SPIDR: variants seen among roughly 807,000 people sequenced by gnomAD.
The protein encoded by SPIDR is DNA repair-scaffolding protein.
A neutral mutation model predicts 104.6 loss-of-function variants in SPIDR; 93 were observed. The observed-to-expected ratio is 0.89, with a 90% CI of 0.75 to 1.06. The LOEUF (loss-of-function observed/expected upper bound fraction) is 1.06. Ranked by LOEUF, SPIDR falls within the 50% of genes least tolerant of loss-of-function variation. The probability of loss-of-function intolerance (pLI) is 0.00; values close to 1 mark genes in which losing one functional copy is unlikely to be tolerated. For missense variants in SPIDR, 1,154 were observed against 1,111.2 expected, an observed-to-expected ratio of 1.04 and a Z score of -0.55; for synonymous variants, 431 against 416.9, an observed-to-expected ratio of 1.03 and a Z score of -0.41.
chr8:47,320,560 C>G (rs142364188), intron 5 of SPIDR, among the ~76,000 whole-genome samples: 6,371 of 152,216 alleles, frequency 0.042, 410 homozygotes, highest in African/African-American at 0.14. Flanking sequence ...CTATTCCAAT[C>G]AATAGAAAAA....
chr8:47,685,358 G>A (rs190128964), intron 11 of SPIDR, among the ~76,000 whole-genome samples: 29 of 151,786 alleles, frequency 1.9e-4, no homozygotes, highest in Admixed American at 1.4e-3. Context: ...AAATGGGCAG[G>A]GTTTTGTTTT....
chr8:47,735,231 C>T, intron 19 of SPIDR, 76 bp from the exon 20 acceptor site: 2 of 1,453,982 alleles, frequency 1.4e-6, no homozygotes, highest in South Asian at 1.2e-5. Context: ...CACTCTGGCT[C>T]TCTGGTTTTC....
At chr8:47,559,656 G>A (rs2056826729) in intron 8 of SPIDR, among the ~76,000 whole-genome samples, 1 of 152,212 alleles carries the variant, frequency 6.6e-6, no homozygotes, top group African/African-American at 2.4e-5. Context: ...ACCCAGAAGT[G>A]TCCCCTATGC....
intron 8 of SPIDR, among the ~76,000 whole-genome samples, chr8:47,450,721 T>C (rs2071561043): frequency 6.6e-6 from 1 of 152,190 alleles, no homozygotes; most frequent in South Asian, 2.1e-4. Flanking sequence ...AGAGAGCAAC[T>C]GAGAAGAGTG....
chr8:47,593,673 G>A lies in SPIDR; in HGVS notation c.1098-2138G>A, dbSNP rs1172858461. The stretch of plus-strand genomic sequence containing the variant: ...ACACTGCTCTGGTAGGAGAAAGTGA[G>A]GAGTGGAGTGGGTTGTTACTGCCAC... On this transcript the variant is annotated intron_variant, in intron 8 of 19. Coordinates refer to ENST00000297423, the MANE Select transcript of SPIDR (RefSeq NM_001080394.4). Among the ~76,000 whole-genome samples, 28 of 152,208 alleles carry A rather than the reference G, an allele frequency of 1.8e-4. 1 individual carries two copies.
chr8:47,440,442 G>A lies in SPIDR; in HGVS notation c.997G>A (p.Ala333Thr). The A allele has an allele frequency of 6.2e-7, 1 of 1,614,212 alleles. No homozygotes were observed. Among genetic ancestry groups the A allele is most frequent in the East Asian group, 2.2e-5 (1 of 44,878 alleles). The change falls in exon 8 of 20, where the codon GCT becomes ACT. Residue 333 changes from alanine to threonine, a missense_variant. Transcript: ENST00000297423. The part of the protein sequence containing the change: ...SPATSSSQSV[A>T]PRPGAGLKVL... ...AGCCACCAGCTCCTCCCAAAGTGTG[G>A]CTCCCAGGCCTGGAGCTGGCCTGAA...
intron 8 of SPIDR, among the ~76,000 whole-genome samples, chr8:47,589,849 G>T (rs2060775495): frequency 6.6e-6 from 1 of 151,650 alleles, no homozygotes; most frequent in South Asian, 2.1e-4. Flanking sequence ...TTGTTTTTCT[G>T]TTCAATTTTA....
chr8:47,520,966 A>G (rs1014824089), intron 8 of SPIDR, among the ~76,000 whole-genome samples: 3 of 152,222 alleles, frequency 2.0e-5, no homozygotes, highest in Non-Finnish European at 2.9e-5. Context: ...GCTGCTCCAT[A>G]TGGCATCAAT....
intron 8 of SPIDR, among the ~76,000 whole-genome samples, chr8:47,443,519 C>T (rs368586993): frequency 1.1e-4 from 15 of 140,862 alleles, no homozygotes; most frequent in East Asian, 1.0e-3. Context: ...TGCAGGGAGC[C>T]GAGATTGCAC....
chr8:47,579,337 T>A (rs2059469366), intron 8 of SPIDR, among the ~76,000 whole-genome samples: 2 of 152,176 alleles, frequency 1.3e-5, no homozygotes, highest in African/African-American at 4.8e-5. Context: ...GTAACTAGAA[T>A]GTGATTTATT....
At chr8:47,408,112 T>C (rs371467598) in intron 7 of SPIDR, 151 bp downstream of exon 7, 3 of 417,856 alleles carry the variant, frequency 7.2e-6, no homozygotes, top group Non-Finnish European at 4.2e-6. Flanking sequence ...ATAAAAACTA[T>C]ATATAGTAAA....
intron 10 of SPIDR, among the ~76,000 whole-genome samples, chr8:47,664,530 GAAC>G (rs1333865906): frequency 1.3e-5 from 2 of 152,022 alleles, no homozygotes; most frequent in Non-Finnish European, 2.9e-5. Context: ...TTGTTGAAAA[GAAC>G]AACAACCAAA....
At chr8:47,309,999 A>G (rs1239513308) in intron 5 of SPIDR, among the ~76,000 whole-genome samples, 7 of 147,118 alleles carry the variant, frequency 4.8e-5, no homozygotes, top group African/African-American at 1.8e-4. Flanking sequence ...GGATTGCACC[A>G]CTGCACTCCA....
chr8:47,283,782 G>C (rs1485995644), intron 2 of SPIDR, among the ~76,000 whole-genome samples: 2 of 152,146 alleles, frequency 1.3e-5, no homozygotes, highest in East Asian at 3.8e-4. Context: ...TGTATGAGCA[G>C]ATATTACACT....
chr8:47,585,517 A>G (rs1308046197), intron 8 of SPIDR, among the ~76,000 whole-genome samples: 2 of 151,864 alleles, frequency 1.3e-5, no homozygotes, highest in African/African-American at 2.4e-5. Flanking sequence ...TCCTTTCCCT[A>G]CCCCCACCCC....
intron 8 of SPIDR, among the ~76,000 whole-genome samples, chr8:47,555,334 G>C (rs2091190712): frequency 6.6e-6 from 1 of 152,116 alleles, no homozygotes; most frequent in African/African-American, 2.4e-5. Flanking sequence ...TGTATCTCTT[G>C]GTGCCTAGGA....
chr8:47,541,816 T>G (rs1410318157), intron 8 of SPIDR, among the ~76,000 whole-genome samples: 1 of 151,860 alleles, frequency 6.6e-6, no homozygotes, highest in Non-Finnish European at 1.5e-5. Flanking sequence ...GGAGAATTGC[T>G]TGAACTCGGG....
Position 47,368,325 on chromosome 8 carries a change from CAGA to C in SPIDR, c.526-28048_526-28046del, listed in dbSNP as rs2057495840. On this transcript the variant is annotated intron_variant, in intron 5 of 19. Transcript: ENST00000297423. ...ATATGTCAGTGGTTGTTAACAGAGT[CAGA>C]AGGAGTTGAGAAGTCAAAAAAAAAA... 4.1e-5 allele frequency among the ~76,000 whole-genome samples: 4 copies of C among 98,510 alleles called. No homozygotes were observed. In the Admixed American group the frequency reaches 6.7e-4, roughly 16 times the overall value. The allele number at this position is 98,510 out of a possible 152,430, so 64.6% of individuals were successfully genotyped here.
chr8:47,414,227 C>T (rs913505991), intron 7 of SPIDR, among the ~76,000 whole-genome samples: 2 of 152,036 alleles, frequency 1.3e-5, no homozygotes, highest in Admixed American at 6.6e-5. Context: ...GTTGTCATCC[C>T]GGTTACTCAC....
Sources: allele counts gnomAD v4.1 joint callset (sites outside exome capture counted in the v4.1 genomes callset), GRCh38; gene constraint gnomAD v4.1.1; transcripts MANE v1.5; gene names NCBI Gene and HGNC (gene_info 2026-07-23, HGNC 2026-07-21).